Variants in COL11A2 observed in about 807,000 individuals in gnomAD.
COL11A2 encodes the protein collagen alpha-2(XI) chain.
A neutral mutation model predicts 273.4 loss-of-function variants in COL11A2; 116 were observed. The ratio of observed to expected loss-of-function variants is 0.42; its 90% CI spans 0.36 to 0.49. The LOEUF (loss-of-function observed/expected upper bound fraction) is 0.49, where lower values mean the gene tolerates loss of function less well. Among genes scored for constraint, COL11A2 ranks in the 20% least tolerant of loss-of-function variants. The pLI, the probability that COL11A2 is intolerant of heterozygous loss-of-function variation, is 0.00. For missense variants in COL11A2, 1,866 were observed against 2,309.0 expected, an observed-to-expected ratio of 0.81 and a Z score of 3.93; for synonymous variants, 782 against 864.2, an observed-to-expected ratio of 0.90 and a Z score of 1.67.
chr6:33,189,402 C>G lies in COL11A2; in HGVS notation c.150G>C (p.Ala50=). ...CCACATCAGCTGGACAGATGCCTTTCGCTCTCCGGACACCATCAGGGAGGG... is the reference window on the plus strand; with the variant it reads ...CCACATCAGCTGGACAGATGCCTTTGGCTCTCCGGACACCATCAGGGAGGG... ...FPSLPDGVRR[A]KGICPADVAY... is the part of the protein sequence containing the mutation. Residue 50 remains alanine (A), a synonymous_variant, in exon 2 of 66, where the codon GCG becomes GCC. Coordinates refer to ENST00000341947, the MANE Select transcript of COL11A2 (RefSeq NM_080680.3). This position sits in a 1 kb window ranked among gnomAD's most constrained non-coding sequence, Gnocchi z 5.6. 1 of 1,613,150 alleles carries G rather than the reference C, an allele frequency of 6.2e-7. No individual in the cohort carries two copies. Among genetic ancestry groups the G allele is most frequent in the African/African-American group, 1.3e-5 (1 of 75,026 alleles).
At chr6:33,184,057 C>A (rs1261011048) in intron 8 of COL11A2, 88 bp downstream of exon 8, 7 of 1,188,916 alleles carry the variant, frequency 5.9e-6, no homozygotes, top group Admixed American at 1.9e-5. Flanking sequence ...TAGCTCACAG[C>A]CAACAGCCAA....
Position 33,179,066 on chromosome 6 carries a change from C to T in COL11A2, c.1611+7G>A, listed in dbSNP as rs1771336694. The T allele has an allele frequency of 6.2e-7, 1 of 1,613,856 alleles. No individual in the cohort carries two copies. The highest frequency in any genetic ancestry group is 1.7e-5 in the Admixed American group (1 of 60,000). The stretch of plus-strand genomic sequence containing the variant: ...CCACAACACCCATCCACCCCTGGGG[C>T]ACTCACCCTTCGCCCAGCCTTGCCA... On this transcript the variant is annotated splice_region_variant and intron_variant, in intron 16 of 65. Transcript: ENST00000341947. The surrounding 1 kb of genome is among the most constrained non-coding windows in gnomAD (Gnocchi z 6.4).
Position 33,176,642 on chromosome 6 carries a change from C to T in COL11A2, c.2115+79G>A. 1 of 1,468,318 alleles carries T rather than the reference C, an allele frequency of 6.8e-7. No homozygotes were observed. Among genetic ancestry groups the T allele is most frequent in the Non-Finnish European group, 9.5e-7 (1 of 1,057,832 alleles). The allele number at this position is 1,468,318 out of a possible 1,614,324, so 91.0% of individuals were successfully genotyped here. A position where few individuals can be genotyped will look rare whatever the true frequency, so the allele number is the denominator to read the frequency against. On this transcript the variant is annotated intron_variant, in intron 26 of 65. Transcript: ENST00000341947. This position sits in a 1 kb window ranked among gnomAD's most constrained non-coding sequence, Gnocchi z 4.9. ...TGGCAGAGCCATATGAATAATGAGA[C>T]AAGGGAATCCCAAGGACTTTGAGGC...
rs1339637970 is a variant in COL11A2, at chr6:33,192,270, G to A, written c.-30C>T. 11 of 1,549,466 alleles carry A rather than the reference G, an allele frequency of 7.1e-6. No individual in the cohort carries two copies. Among genetic ancestry groups the A allele is most frequent in the Non-Finnish European group, 7.8e-6 (9 of 1,146,880 alleles). On this transcript the variant is annotated 5_prime_UTR_variant, in exon 1 of 66. Transcript: ENST00000341947. ...GAGAAGCCGAAACGCCGGGTCCCAG[G>A]GACCCAGGTCGGCCTGAGACGCTGG...
rs768942987 is a variant in COL11A2, at chr6:33,177,271, T to TGA, written c.1972-47_1972-46insTC. On this transcript the variant is annotated intron_variant, in intron 23 of 65. Coordinates refer to ENST00000341947, the MANE Select transcript of COL11A2 (RefSeq NM_080680.3). This position sits in a 1 kb window ranked among gnomAD's most constrained non-coding sequence, Gnocchi z 5.9. ...GTCACAGGGGCCTCCCAGGGTCTCT[T>TGA]CTATCCAGCCTCCCGGATTCAAAGC... 2 of 1,611,748 alleles carry TGA rather than the reference T, an allele frequency of 1.2e-6. No homozygotes were observed. Among genetic ancestry groups the TGA allele is most frequent in the South Asian group, 2.2e-5 (2 of 91,042 alleles).
At chr6:33,172,248 T>C (rs781458477) in intron 40 of COL11A2, 41 bp downstream of exon 40, 16 of 1,585,482 alleles carry the variant, frequency 1.0e-5, no homozygotes, top group African/African-American at 1.3e-5. Context: ...CTCAGGATGC[T>C]TGGTGCTTGT....
chr6:33,171,286 C>T lies in COL11A2; in HGVS notation c.3297G>A (p.Gly1099=). The T allele has an allele frequency of 6.2e-7, 1 of 1,614,216 alleles. No individual in the cohort carries two copies. Among genetic ancestry groups the T allele is most frequent in the Non-Finnish European group, 8.5e-7 (1 of 1,180,032 alleles). The change falls in exon 44 of 66, where the codon GGG becomes GGA. Residue 1099 remains glycine (G), a synonymous_variant. Coordinates refer to ENST00000341947, the MANE Select transcript of COL11A2 (RefSeq NM_080680.3). The part of the protein sequence containing the change: ...VGDPGQKGTK[G]NKGEHGPPGP... ...GGACACTTACATGTTCACCCTTGTTCCCTTTGGTGCCCTTCTGTCCGGGGT... is the reference window on the plus strand; with the variant it reads ...GGACACTTACATGTTCACCCTTGTTTCCTTTGGTGCCCTTCTGTCCGGGGT...
In COL11A2 at chr6:33,170,932, GAA is replaced by G; in HGVS notation, c.3367-17_3367-16del. ...CCATCTGCTCCCTGCAGGGTTGAGG[GAA>G]AGCAGAGACAAGGACACAGGGATGG... On this transcript the variant is annotated splice_polypyrimidine_tract_variant and intron_variant, in intron 45 of 65. Coordinates refer to ENST00000341947, the MANE Select transcript of COL11A2 (RefSeq NM_080680.3). This position sits in a 1 kb window ranked among gnomAD's most constrained non-coding sequence, Gnocchi z 4.3. 2 of 1,609,512 alleles carry G rather than the reference GAA, an allele frequency of 1.2e-6. No homozygotes were observed. The highest frequency in any genetic ancestry group is 1.7e-6 in the Non-Finnish European group (2 of 1,178,540).
Position 33,177,959 on chromosome 6 carries a change from T to C in COL11A2, c.1872+173A>G. 1 of 806,546 alleles carries C rather than the reference T, an allele frequency of 1.2e-6. No homozygotes were observed. Among genetic ancestry groups the C allele is most frequent in the Non-Finnish European group, 2.0e-6 (1 of 499,896 alleles). 50.0% of individuals were successfully genotyped at this position (806,546 alleles called of 1,614,324 possible). A position where few individuals can be genotyped will look rare whatever the true frequency, so the allele number is the denominator to read the frequency against. ...GGGCACCACGCCACATGGCCCTCCC[T>C]GTGCACGGGGAGCGAATGCTGAGGC... is the stretch of plus-strand genomic sequence containing the variant. On this transcript the variant is annotated intron_variant, in intron 21 of 65. Coordinates refer to ENST00000341947, the MANE Select transcript of COL11A2 (RefSeq NM_080680.3). This position sits in a 1 kb window ranked among gnomAD's most constrained non-coding sequence, Gnocchi z 5.9.
Position 33,188,260 on chromosome 6 carries a change from T to G in COL11A2, c.606+102A>C. ...AATGAAAATTCATAAGAAAAAAAAA[T>G]GAAGGCCTAGGGAATAGGAAGATGA... On this transcript the variant is annotated intron_variant, in intron 4 of 65. Coordinates refer to ENST00000341947, the MANE Select transcript of COL11A2 (RefSeq NM_080680.3). The G allele has an allele frequency of 8.8e-6, 12 of 1,366,506 alleles. No homozygotes were observed. In the Admixed American group the frequency reaches 1.0e-4, roughly 12 times the overall value. The allele number at this position is 1,366,506 out of a possible 1,614,324, so 84.6% of individuals were successfully genotyped here.
chr6:33,184,081 C>G (rs1772057733), intron 8 of COL11A2, 64 bp downstream of exon 8: 1 of 1,337,976 alleles, frequency 7.5e-7, no homozygotes, highest in Non-Finnish European at 1.0e-6. Context: ...TCGAAACCAA[C>G]AAGAAGCAAT....
rs952736511 is a variant in COL11A2 at position 33,167,736 on chromosome 6, G to A, written c.4014+63C>T. ...GGAGATGGGGTGGGCATCTGGAGAC[G>A]GAGGCATCTGAGGGGTGGGAGGCGG... is the stretch of plus-strand genomic sequence containing the variant. On this transcript the variant is annotated intron_variant, in intron 55 of 65. Coordinates refer to ENST00000341947, the MANE Select transcript of COL11A2 (RefSeq NM_080680.3). This position sits in a 1 kb window ranked among gnomAD's most constrained non-coding sequence, Gnocchi z 6.1. The A allele has an allele frequency of 1.6e-5, 26 of 1,595,056 alleles. No homozygotes were observed. The African/African-American group carries it at 2.1e-4, about 13-fold the overall frequency.
chr6:33,173,147 C>A lies in COL11A2; in HGVS notation c.2737-34G>T. On this transcript the variant is annotated intron_variant, in intron 37 of 65. Transcript: ENST00000341947. This position sits in a 1 kb window ranked among gnomAD's most constrained non-coding sequence, Gnocchi z 6.3. ...GGAAGAGAGGAGAATGCAGTGAAAG[C>A]AGGTGTGGGCGCTGTGGGGCAGATT... 6.2e-7 allele frequency: 1 copy of A among 1,600,234 alleles called. No individual in the cohort carries two copies. Among genetic ancestry groups the A allele is most frequent in the Non-Finnish European group, 8.5e-7 (1 of 1,173,286 alleles).
At position 33,170,689 on chromosome 6, in the gene COL11A2, C is replaced by T; in HGVS notation, c.3475-79G>A. The T allele has an allele frequency of 1.3e-6, 2 of 1,594,776 alleles. No individual in the cohort carries two copies. Among genetic ancestry groups the T allele is most frequent in the Non-Finnish European group, 1.7e-6 (2 of 1,164,138 alleles). ...CCCTAGGCAGATAGGCCCCACAGTC[C>T]CCTCCCCTCAGACTCCGCAGGCCCT... On this transcript the variant is annotated intron_variant, in intron 46 of 65. Transcript: ENST00000341947. This position sits in a 1 kb window ranked among gnomAD's most constrained non-coding sequence, Gnocchi z 4.3.
In COL11A2 at chr6:33,180,235, C is replaced by T. The variant is rs774842889; in HGVS notation, c.1359+23G>A. On this transcript the variant is annotated intron_variant, in intron 12 of 65. Coordinates refer to ENST00000341947, the MANE Select transcript of COL11A2 (RefSeq NM_080680.3). ...TCCTTGTCTTCCCCATCAGCATGTT[C>T]CAAAACCCAAGAGACAACTCACTGG... 2.5e-6 allele frequency: 4 copies of T among 1,611,098 alleles called. No individual in the cohort carries two copies. In the African/African-American group the frequency reaches 4.0e-5, roughly 16 times the overall value.
rs755022711 is a variant in COL11A2 at position 33,174,058 on chromosome 6, G to T, written c.2485-3C>A. ...GGCCCTGACTTCCCCGACAGGCCCTGGTGGGAATGAAGCAGAGAGAACATT... is the reference window on the plus strand; with the variant it reads ...GGCCCTGACTTCCCCGACAGGCCCTTGTGGGAATGAAGCAGAGAGAACATT... On this transcript the variant is annotated splice_region_variant and splice_polypyrimidine_tract_variant and intron_variant, in intron 32 of 65. Coordinates refer to ENST00000341947, the MANE Select transcript of COL11A2 (RefSeq NM_080680.3). 1.1e-5 allele frequency: 17 copies of T among 1,613,686 alleles called. No individual in the cohort carries two copies. Among genetic ancestry groups the T allele is most frequent in the Non-Finnish European group, 1.4e-5 (17 of 1,179,982 alleles).
In COL11A2 at chr6:33,163,702, C is replaced by G. The variant is rs771193939; in HGVS notation, c.5187G>C (p.Leu1729=). The change falls in exon 66 of 66, where the codon CTG becomes CTC. Residue 1729 remains leucine (L), a synonymous_variant. Coordinates refer to ENST00000341947, the MANE Select transcript of COL11A2 (RefSeq NM_080680.3). The surrounding 1 kb of genome is among the most constrained non-coding windows in gnomAD (Gnocchi z 4.1). ...CCTATCCCATGAAGCAGACAGGCCC[C>G]AGCAGCACCCCTCCCCGCCTCGGTG... ...GAPPRRGGVL[L]GPVCFMG The G allele has an allele frequency of 6.2e-7, 1 of 1,613,070 alleles. No homozygotes were observed.
Position 33,178,631 on chromosome 6 carries a change from A to C in COL11A2, c.1719+48T>G, listed in dbSNP as rs1210579161. 6.2e-7 allele frequency: 1 copy of C among 1,609,984 alleles called. No individual in the cohort carries two copies. The highest frequency in any genetic ancestry group is 8.5e-7 in the Non-Finnish European group (1 of 1,177,618). ...CCCTTCCCTACCTATCCTCACTCCC[A>C]TAGAAGATCTATCCCCAATTACAAC... On this transcript the variant is annotated intron_variant, in intron 18 of 65. Transcript: ENST00000341947. The surrounding 1 kb of genome is among the most constrained non-coding windows in gnomAD (Gnocchi z 4.6).
chr6:33,180,625 GC>G (rs756814484), intron 11 of COL11A2, 42 bp downstream of exon 11: 1 of 1,544,158 alleles, frequency 6.5e-7, no homozygotes, highest in Non-Finnish European at 8.8e-7. Flanking sequence ...GATACCACTA[GC>G]TCCCCCGAAG....
Sources: allele counts gnomAD v4.1 joint callset, GRCh38; gene constraint gnomAD v4.1.1; non-coding constraint Gnocchi (gnomAD v3.1); transcripts MANE v1.5; gene names NCBI Gene and HGNC (gene_info 2026-07-23, HGNC 2026-07-21).